RAD9B: variants seen among roughly 807,000 people sequenced by gnomAD.
RAD9B encodes the protein cell cycle checkpoint control protein RAD9B.
In RAD9B, 41 loss-of-function variants were observed where a neutral mutation model predicts 48.3. The ratio of observed to expected loss-of-function variants is 0.85; its 90% CI spans 0.66 to 1.10. RAD9B has a LOEUF of 1.10. RAD9B is among the 50% of genes least tolerant of loss of function. The pLI is 0.00. For synonymous variants in RAD9B, 160 were observed against 157.9 expected (o/e 1.01, Z -0.10); for missense variants, 444 against 485.1 (o/e 0.92, Z 0.80).
chr12:110,522,767 C>T (rs974964702), intron 10 of RAD9B, among the ~76,000 whole-genome samples: 1 of 151,974 alleles, frequency 6.6e-6, no homozygotes. Flanking sequence ...AATTTGTTTC[C>T]TAAAATGTTT....
At chr12:110,528,503 C>A (rs2064016770) in intron 10 of RAD9B, among the ~76,000 whole-genome samples, 4 of 152,212 alleles carry the variant, frequency 2.6e-5, no homozygotes, top group Admixed American at 6.5e-5. Flanking sequence ...ACTCATAAGG[C>A]CTCAAATGGC....
At chr12:110,524,624 C>T (rs750282367) in intron 10 of RAD9B, among the ~76,000 whole-genome samples, 5 of 146,904 alleles carry the variant, frequency 3.4e-5, no homozygotes, top group African/African-American at 1.0e-4. Context: ...TTAGATTGGC[C>T]GGCGTGGTGG....
At chr12:110,518,227 A>C (rs2135703979) in intron 6 of RAD9B, among the ~76,000 whole-genome samples, 1 of 150,598 alleles carries the variant, frequency 6.6e-6, no homozygotes, top group African/African-American at 2.4e-5. Flanking sequence ...TGTGCATGTA[A>C]GTGGCAGATG....
At chr12:110,530,463 G>A in intron 10 of RAD9B, 62 bp from the exon 11 acceptor site, 1 of 1,525,238 alleles carries the variant, frequency 6.6e-7, no homozygotes, top group South Asian at 1.1e-5. Flanking sequence ...CTGTCACCTG[G>A]AGCATTTAAT....
At chr12:110,503,991 T>C in intron 2 of RAD9B, 115 bp downstream of exon 2, 1 of 606,996 alleles carries the variant, frequency 1.6e-6, no homozygotes, top group South Asian at 2.3e-5. Flanking sequence ...CCTTTCACTG[T>C]TTATCTTTAT....
intron 4 of RAD9B, among the ~76,000 whole-genome samples, chr12:110,510,922 C>G (rs565803158): frequency 6.6e-5 from 10 of 151,260 alleles, no homozygotes; most frequent in Non-Finnish European, 1.2e-4. Flanking sequence ...CCACAACAGT[C>G]TAGCCTTGGC....
intron 4 of RAD9B, among the ~76,000 whole-genome samples, chr12:110,511,124 T>A (rs1426611000): frequency 6.6e-6 from 1 of 152,186 alleles, no homozygotes; most frequent in African/African-American, 2.4e-5. Flanking sequence ...TGATCTGTAG[T>A]CTGCAATCAC....
intron 1 of RAD9B, 176 bp downstream of exon 1, chr12:110,502,559 G>C (rs1303841130): frequency 1.5e-6 from 1 of 665,016 alleles, no homozygotes; most frequent in African/African-American, 1.8e-5. Context: ...GGAGGATGAG[G>C]ACCCATCTCG....
Position 110,530,895 on chromosome 12 carries a change from A to G in RAD9B, c.*242A>G. On this transcript the variant is annotated 3_prime_UTR_variant, in exon 11 of 11. Coordinates refer to ENST00000409300, the MANE Select transcript of RAD9B (RefSeq NM_001286535.2). Reference sequence around the variant, plus strand: ...GAGGCAGAAGAGTTTTCTGTGAAGGAAAAAAGCCCATTAGAGTTCTTCAAT... The same window carrying G: ...GAGGCAGAAGAGTTTTCTGTGAAGGGAAAAAGCCCATTAGAGTTCTTCAAT... The G allele has an allele frequency of 8.1e-7, 1 of 1,235,024 alleles. No individual in the cohort carries two copies. Among genetic ancestry groups the G allele is most frequent in the Middle Eastern group, 3.3e-4 (1 of 3,036 alleles). The allele number at this position is 1,235,024 out of a possible 1,614,324, so 76.5% of individuals were successfully genotyped here.
At chr12:110,524,125 C>A (rs923776227) in intron 10 of RAD9B, among the ~76,000 whole-genome samples, 4 of 152,164 alleles carry the variant, frequency 2.6e-5, no homozygotes, top group African/African-American at 9.7e-5. Context: ...TCTCTTACCA[C>A]GTATTAACTG....
intron 4 of RAD9B, among the ~76,000 whole-genome samples, chr12:110,509,639 C>T (rs990062635): frequency 6.6e-5 from 10 of 151,918 alleles, no homozygotes; most frequent in Admixed American, 1.3e-4. Flanking sequence ...CTAGTGTGTG[C>T]TTATAAGAAA....
rs151273239 is a variant in RAD9B at position 110,521,405 on chromosome 12, C to T, written c.891-772C>T. On this transcript the variant is annotated intron_variant, in intron 9 of 10. Coordinates refer to ENST00000409300, the MANE Select transcript of RAD9B (RefSeq NM_001286535.2). The stretch of plus-strand genomic sequence containing the variant: ...CTGGGCTCAAGCAGTCTACCTGCCT[C>T]GGCCTCCCAGAGTGCTAGGATTACA... Among the ~76,000 whole-genome samples the T allele has an allele frequency of 4.6e-5, 7 of 152,160 alleles. No individual in the cohort carries two copies. The East Asian group carries it at 5.8e-4, about 13-fold the overall frequency.
At chr12:110,505,010 T>G (rs1443918989) in intron 2 of RAD9B, among the ~76,000 whole-genome samples, 1 of 151,856 alleles carries the variant, frequency 6.6e-6, no homozygotes. Context: ...TGAAAAAAAG[T>G]AAAAAAGAAA....
At chr12:110,506,812 G>C (rs1454664275) in intron 4 of RAD9B, 119 bp downstream of exon 4, 1 of 559,282 alleles carries the variant, frequency 1.8e-6, no homozygotes, top group African/African-American at 2.0e-5. Context: ...AGTGTGTGTA[G>C]TTAAGTGGTA....
chr12:110,515,531 C>G (rs535206180), intron 6 of RAD9B, among the ~76,000 whole-genome samples: 2 of 152,096 alleles, frequency 1.3e-5, no homozygotes, highest in South Asian at 4.2e-4. Context: ...TGTGGTGGCT[C>G]AGGCCTGTAA....
rs1423568641 is a variant in RAD9B, at chr12:110,522,272, A to G, written c.986A>G (p.Lys329Arg). 1.2e-6 allele frequency: 2 copies of G among 1,613,030 alleles called. No individual in the cohort carries two copies. Among genetic ancestry groups the G allele is most frequent in the Admixed American group, 3.3e-5 (2 of 59,880 alleles). ...GCAGCACCAAGAAGGCTTTATCCTA[A>G]GGAGACTCTCACAAACATATCTGCA... ...KKAAPRRLYP[K>R]ETLTNISALE... The change falls in exon 10 of 11, where the codon AAG becomes AGG. Residue 329 changes from lysine to arginine, a missense_variant. Lys to Arg is a conservative substitution (Grantham distance 26, BLOSUM62 2). Transcript: ENST00000409300.
At chr12:110,514,027 CCCTTCCTTCCTT>C (rs56718609) in intron 5 of RAD9B, among the ~76,000 whole-genome samples, 7 of 150,614 alleles carry the variant, frequency 4.6e-5, no homozygotes, top group African/African-American at 1.2e-4. Context: ...CACATCTGGT[CCCTTCCTTCCTT>C]CCTTCCTTCC....
intron 10 of RAD9B, 76 bp downstream of exon 10, chr12:110,522,487 C>A: frequency 1.0e-6 from 1 of 971,176 alleles, no homozygotes; most frequent in Non-Finnish European, 1.6e-6. Flanking sequence ...CCTCCCCAAT[C>A]CCCACCCAGC....
At chr12:110,527,804 C>T (rs1169075713) in intron 10 of RAD9B, among the ~76,000 whole-genome samples, 1 of 152,172 alleles carries the variant, frequency 6.6e-6, no homozygotes, top group Non-Finnish European at 1.5e-5. Flanking sequence ...ATGGTATGTA[C>T]TGCCTTAATC....
Sources: gnomAD v4.1 joint callset for allele counts (sites outside exome capture counted in the v4.1 genomes callset) on GRCh38, gnomAD v4.1.1 for gene constraint, MANE v1.5 for transcripts, NCBI Gene and HGNC (gene_info 2026-07-23, HGNC 2026-07-21) for gene names.